Variants in MTHFD1L observed in about 807,000 individuals in gnomAD.
MTHFD1L encodes the protein monofunctional C1-tetrahydrofolate synthase, mitochondrial.
A neutral mutation model predicts 119.5 loss-of-function variants in MTHFD1L; 81 were observed. The ratio of observed to expected loss-of-function variants is 0.68; its 90% CI spans 0.57 to 0.82. MTHFD1L has a LOEUF of 0.82. Ranked by LOEUF, MTHFD1L falls within the 40% of genes least tolerant of loss-of-function variation. The probability of loss-of-function intolerance (pLI) is 0.00; values close to 1 mark genes in which losing one functional copy is unlikely to be tolerated. For missense variants in MTHFD1L, 1,125 were observed against 1,253.4 expected, an observed-to-expected ratio of 0.90 and a Z score of 1.55; for synonymous variants, 430 against 475.2, an observed-to-expected ratio of 0.90 and a Z score of 1.24.
intron 26 of MTHFD1L, among the ~76,000 whole-genome samples, chr6:151,043,467 A>C (rs1486125502): frequency 6.6e-6 from 1 of 151,780 alleles, no homozygotes; most frequent in East Asian, 1.9e-4. Flanking sequence ...GGGTCTCACC[A>C]TGTTGGCCAG....
intron 26 of MTHFD1L, among the ~76,000 whole-genome samples, chr6:151,045,608 C>A (rs1189430528): frequency 6.6e-6 from 1 of 152,216 alleles, no homozygotes; most frequent in Non-Finnish European, 1.5e-5. Context: ...AGCTTGCCCT[C>A]CCCATGAGCC....
At chr6:150,949,166 G>T (rs1198755361) in intron 16 of MTHFD1L, 33 bp downstream of exon 16, 1 of 1,578,870 alleles carries the variant, frequency 6.3e-7, no homozygotes, top group South Asian at 1.1e-5. Context: ...CAGGCTGATG[G>T]CCAGGTGGGG....
intron 17 of MTHFD1L, 97 bp downstream of exon 17, chr6:150,956,168 C>A: frequency 3.3e-6 from 4 of 1,212,930 alleles, no homozygotes; most frequent in Non-Finnish European, 4.8e-6. Context: ...CATCCCCAAC[C>A]TGTTGTGGCC....
chr6:151,064,404 C>G (rs1489664297), intron 26 of MTHFD1L, among the ~76,000 whole-genome samples: 4 of 152,110 alleles, frequency 2.6e-5, no homozygotes, highest in East Asian at 3.9e-4. Flanking sequence ...CCTCCGCCCC[C>G]CCGGATTCGA....
At chr6:150,884,759 T>G (rs1781944493) in intron 5 of MTHFD1L, among the ~76,000 whole-genome samples, 1 of 152,200 alleles carries the variant, frequency 6.6e-6, no homozygotes, top group African/African-American at 2.4e-5. Context: ...TGTTTTGTCC[T>G]AGATTTGAAC....
chr6:150,963,915 G>C (rs1738577), intron 18 of MTHFD1L, among the ~76,000 whole-genome samples: 71,863 of 152,092 alleles, frequency 0.47, 17,918 homozygotes, highest in South Asian at 0.59. Flanking sequence ...CGCCTGTAAT[G>C]CTAGCACTTT....
intron 7 of MTHFD1L, among the ~76,000 whole-genome samples, chr6:150,888,182 C>G (rs775277161): frequency 1.6e-4 from 25 of 152,156 alleles, no homozygotes; most frequent in Non-Finnish European, 1.2e-4. Flanking sequence ...CAAATGAGCT[C>G]TATCAAACAA....
chr6:150,890,653 A>G (rs186978385), intron 7 of MTHFD1L, among the ~76,000 whole-genome samples: 71 of 152,272 alleles, frequency 4.7e-4, no homozygotes, highest in African/African-American at 1.7e-3. Flanking sequence ...GCCTCCTCGG[A>G]AGAAAGAATT....
chr6:150,871,098 AAT>A (rs563676579), intron 1 of MTHFD1L, among the ~76,000 whole-genome samples: 29 of 144,398 alleles, frequency 2.0e-4, no homozygotes, highest in South Asian at 8.5e-4. Context: ...TACACACCTT[AAT>A]ATATATATAA....
chr6:150,930,040 G>GTA (rs1790760403), intron 11 of MTHFD1L, among the ~76,000 whole-genome samples: 1 of 152,186 alleles, frequency 6.6e-6, no homozygotes, highest in Non-Finnish European at 1.5e-5. Flanking sequence ...GCTGTAAACT[G>GTA]TCATCAGTAT....
At position 150,938,822 on chromosome 6, in the gene MTHFD1L, A is replaced by G. The variant is rs373333210; in HGVS notation, c.1440+77A>G. 8.0e-6 allele frequency: 12 copies of G among 1,495,898 alleles called. No homozygotes were observed. The African/African-American group carries it at 8.3e-5, about 10-fold the overall frequency. The allele number at this position is 1,495,898 out of a possible 1,614,324, so 92.7% of individuals were successfully genotyped here. ...ATCTTGTCTCTGCTCCCATCCACAC[A>G]GGCCCACAGACCCTCATCCATAATC... On this transcript the variant is annotated intron_variant, in intron 13 of 27. Transcript: ENST00000367321.
chr6:150,890,012 T>C (rs1295971254), intron 7 of MTHFD1L, among the ~76,000 whole-genome samples: 1 of 151,936 alleles, frequency 6.6e-6, no homozygotes, highest in Non-Finnish European at 1.5e-5. Context: ...TAAAATTAGC[T>C]GGATGTGGTG....
Position 150,865,911 on chromosome 6 carries a change from G to A in MTHFD1L, c.89G>A (p.Arg30His). 1 of 1,197,104 alleles carries A rather than the reference G, an allele frequency of 8.4e-7. No individual in the cohort carries two copies. Among genetic ancestry groups the A allele is most frequent in the Non-Finnish European group, 1.0e-6 (1 of 968,452 alleles). The allele number at this position is 1,197,104 out of a possible 1,614,324, so 74.2% of individuals were successfully genotyped here. The part of the protein sequence containing the change: ...GPPRRLRVPC[R>H]ASSGGGGGGG... ...CCGCGCCGCCTCCGTGTGCCCTGTC[G>A]CGCTAGCAGCGGCGGCGGCGGAGGC... Residue 30 changes from arginine (R) to histidine (H), a missense_variant, in exon 1 of 28, where the codon CGC becomes CAC. Physicochemically the swap from Arg to His is conservative, Grantham distance 29 (BLOSUM62 0). Transcript: ENST00000367321.
rs1421947161 is a variant in MTHFD1L, at chr6:151,039,126, G to A, written c.2847+2009G>A. On this transcript the variant is annotated intron_variant, in intron 26 of 27. Coordinates refer to ENST00000367321, the MANE Select transcript of MTHFD1L (RefSeq NM_015440.5). This position sits in a 1 kb window ranked among gnomAD's most constrained non-coding sequence, Gnocchi z 4.4. The stretch of plus-strand genomic sequence containing the variant: ...AGGAAGACACCCCTGAAACACCCAC[G>A]TTAATGCAGCCGACTCCTAGCAGGG... Among the ~76,000 whole-genome samples the A allele has an allele frequency of 1.3e-5, 2 of 152,178 alleles. No individual in the cohort carries two copies. Among genetic ancestry groups the A allele is most frequent in the Non-Finnish European group, 2.9e-5 (2 of 68,028 alleles).
At position 150,923,537 on chromosome 6, in the gene MTHFD1L, A is replaced by ATTTATTTAT. The variant is rs1254981530; in HGVS notation, c.1082+1238_1082+1239insATTTATTTT. 2.0e-3 allele frequency among the ~76,000 whole-genome samples: 188 copies of ATTTATTTAT among 95,218 alleles called. 3 individuals are homozygous for ATTTATTTAT. Among genetic ancestry groups the ATTTATTTAT allele is most frequent in the African/African-American group, 8.9e-3 (177 of 19,782 alleles). The allele number at this position is 95,218 out of a possible 152,430, so 62.5% of individuals were successfully genotyped here. A position where few individuals can be genotyped will look rare whatever the true frequency, so the allele number is the denominator to read the frequency against. On this transcript the variant is annotated intron_variant, in intron 10 of 27. Transcript: ENST00000367321. ...TATTTATTTATTTATTTATTTATTT[A>ATTTATTTAT]TTTTTTCTTTTTTTTTTTTTTTTTT...
chr6:150,926,096 C>G lies in MTHFD1L; in HGVS notation c.1083-26C>G, dbSNP rs752127226. 14 of 1,593,408 alleles carry G rather than the reference C, an allele frequency of 8.8e-6. No homozygotes were observed. The highest frequency in any genetic ancestry group is 3.4e-5 in the Admixed American group (2 of 58,222). On this transcript the variant is annotated intron_variant, in intron 10 of 27. Transcript: ENST00000367321. The surrounding 1 kb of genome is among the most constrained non-coding windows in gnomAD (Gnocchi z 4.3). Reference sequence around the variant, plus strand: ...CCACCTAAGCTGAGAAGCCTTTTCTCTCTTTCGTATTGTCTTTCCCCTCAG... The same window carrying G: ...CCACCTAAGCTGAGAAGCCTTTTCTGTCTTTCGTATTGTCTTTCCCCTCAG...
chr6:150,961,541 A>C (rs982885901), intron 18 of MTHFD1L, among the ~76,000 whole-genome samples: 7 of 152,232 alleles, frequency 4.6e-5, no homozygotes, highest in Non-Finnish European at 7.3e-5. Context: ...AATCTCCTAC[A>C]ATAATGGAAC....
Position 151,052,342 on chromosome 6 carries a change from A to G in MTHFD1L, c.2847+15225A>G, listed in dbSNP as rs532453931. On this transcript the variant is annotated intron_variant, in intron 26 of 27. Coordinates refer to ENST00000367321, the MANE Select transcript of MTHFD1L (RefSeq NM_015440.5). ...AAACATTCTTGCGTGTCTGCTATGCACTGTGCACTGAGGTTACCAAGACTG... is the reference window on the plus strand; with the variant it reads ...AAACATTCTTGCGTGTCTGCTATGCGCTGTGCACTGAGGTTACCAAGACTG... 5.6e-4 allele frequency among the ~76,000 whole-genome samples: 85 copies of G among 152,266 alleles called. 1 individual carries two copies. The highest frequency in any genetic ancestry group is 1.9e-3 in the African/African-American group (77 of 41,550).
intron 20 of MTHFD1L, among the ~76,000 whole-genome samples, chr6:150,980,101 T>C (rs182403968): frequency 4.6e-4 from 70 of 152,348 alleles, no homozygotes; most frequent in Non-Finnish European, 7.9e-4. Context: ...TTTGTTATTA[T>C]GATGCTTCCA....
Sources: gnomAD v4.1 joint callset for allele counts (sites outside exome capture counted in the v4.1 genomes callset) on GRCh38, gnomAD v4.1.1 for gene constraint, Gnocchi (gnomAD v3.1) non-coding constraint, MANE v1.5 for transcripts, NCBI Gene and HGNC (gene_info 2026-07-23, HGNC 2026-07-21) for gene names.